RUFY3: variants seen among roughly 807,000 people sequenced by gnomAD.
RUFY3 encodes the protein RUN and FYVE domain containing 3.
Under a neutral mutation model 84.0 loss-of-function variants are expected in RUFY3, and 34 were observed. The ratio of observed to expected loss-of-function variants is 0.40; its 90% confidence interval spans 0.31 to 0.54. RUFY3 has a LOEUF of 0.54. Ranked by LOEUF, RUFY3 falls within the 20% of genes least tolerant of loss-of-function variation. The probability of loss-of-function intolerance (pLI) is 0.39; values close to 1 mark genes in which losing one functional copy is unlikely to be tolerated. For synonymous variants in RUFY3, 242 were observed against 252.9 expected (o/e 0.96, Z 0.41); for missense variants, 507 against 736.8 (o/e 0.69, Z 3.61).
intron 10 of RUFY3, among the ~76,000 whole-genome samples, chr4:70,787,650 T>C (rs1730122762): frequency 6.6e-6 from 1 of 152,128 alleles, no homozygotes. Context: ...GTGAATGAGA[T>C]CTCAAAATAT....
chr4:70,738,629 T>A (rs1578023720), intron 1 of RUFY3, among the ~76,000 whole-genome samples: 1 of 152,144 alleles, frequency 6.6e-6, no homozygotes, highest in Non-Finnish European at 1.5e-5. Flanking sequence ...CCCAAAGTGC[T>A]GGGATTACAG....
At chr4:70,750,175 C>T (rs1174345800) in intron 1 of RUFY3, among the ~76,000 whole-genome samples, 1 of 152,082 alleles carries the variant, frequency 6.6e-6, no homozygotes, top group African/African-American at 2.4e-5. Context: ...CCAAGTCCAG[C>T]TTAATTACAC....
intron 1 of RUFY3, among the ~76,000 whole-genome samples, chr4:70,710,749 A>T (rs1351146120): frequency 1.3e-5 from 2 of 151,674 alleles, no homozygotes; most frequent in South Asian, 4.2e-4. Flanking sequence ...ATTTATTAAA[A>T]TTTTTAATTT....
At chr4:70,791,561 C>A in intron 12 of RUFY3, 1 of 1,270,160 alleles carries the variant, frequency 7.9e-7, no homozygotes, top group Non-Finnish European at 9.9e-7. Context: ...CTGAGTTGAC[C>A]AATAAATAAA....
In RUFY3 at chr4:70,802,951, T is replaced by C. The variant is rs761911231; in HGVS notation, c.1623-5T>C. 6 of 1,602,014 alleles carry C rather than the reference T, an allele frequency of 3.7e-6. No individual in the cohort carries two copies. Among genetic ancestry groups the C allele is most frequent in the Admixed American group, 1.7e-5 (1 of 58,118 alleles). On this transcript the variant is annotated splice_polypyrimidine_tract_variant and splice_region_variant and intron_variant, in intron 15 of 17. Coordinates refer to ENST00000381006, the MANE Select transcript of RUFY3 (RefSeq NM_001037442.4). The stretch of plus-strand genomic sequence containing the variant: ...TTGTCACAATTTTTTACTTCTCCAT[T>C]GTAGGCTGCAACCCCACCCTATGGA...
At chr4:70,787,188 ATAT>A (rs377668009) in intron 10 of RUFY3, among the ~76,000 whole-genome samples, 1,806 of 61,332 alleles carry the variant, frequency 0.029, 52 homozygotes, top group African/African-American at 0.079. Context: ...AAAAAAAAAA[ATAT>A]ATATATATAT....
intron 4 of RUFY3, among the ~76,000 whole-genome samples, chr4:70,767,213 G>A (rs181172731): frequency 3.4e-4 from 51 of 148,808 alleles, no homozygotes; most frequent in African/African-American, 1.2e-3. Flanking sequence ...AGCCTCCTGA[G>A]TAGCTGGGAT....
intron 10 of RUFY3, among the ~76,000 whole-genome samples, chr4:70,785,182 C>G (rs112924919): frequency 6.6e-6 from 1 of 152,060 alleles, no homozygotes; most frequent in Non-Finnish European, 1.5e-5. Flanking sequence ...CTACCTAAGT[C>G]CTCATCCCTG....
intron 1 of RUFY3, among the ~76,000 whole-genome samples, chr4:70,730,192 G>GGATTAC (rs1202960142): frequency 6.6e-6 from 1 of 151,554 alleles, no homozygotes; most frequent in African/African-American, 2.4e-5. Context: ...CAAAGTGCTG[G>GGATTAC]GATTACAAGC....
chr4:70,749,204 C>T (rs563423005), intron 1 of RUFY3, among the ~76,000 whole-genome samples: 13 of 152,128 alleles, frequency 8.5e-5, no homozygotes, highest in Admixed American at 5.2e-4. Flanking sequence ...ATCAAAACAA[C>T]GAAGGTTTGT....
At chr4:70,705,344 C>T (rs1025301306) in intron 1 of RUFY3, 17 of 1,256,198 alleles carry the variant, frequency 1.4e-5, no homozygotes, top group South Asian at 2.2e-5. Context: ...GAGCATTCGG[C>T]TGGGGAGGGC....
chr4:70,728,978 C>T (rs1718761349), intron 1 of RUFY3, among the ~76,000 whole-genome samples: 2 of 151,340 alleles, frequency 1.3e-5, no homozygotes, highest in South Asian at 4.2e-4. Context: ...TGCTGGATAC[C>T]TAATGAGTCT....
intron 7 of RUFY3, 50 bp from the exon 8 acceptor site, chr4:70,778,319 A>G: frequency 1.1e-6 from 1 of 895,772 alleles, no homozygotes; most frequent in South Asian, 1.4e-5. Context: ...GAAGGTACAG[A>G]GTATTGTCTG....
At chr4:70,719,014 C>T (rs145358394), upstream of RUFY3, among the ~76,000 whole-genome samples, 625 of 152,304 alleles carry the variant, frequency 4.1e-3, 5 homozygotes, top group African/African-American at 0.014. Flanking sequence ...CGTGCCCGGC[C>T]GTAGAATTGT....
At chr4:70,757,003 A>G (rs980896692) in intron 1 of RUFY3, among the ~76,000 whole-genome samples, 34 of 152,060 alleles carry the variant, frequency 2.2e-4, no homozygotes, top group African/African-American at 8.0e-4. Flanking sequence ...GGGCATGGCG[A>G]CCCATGCCTG....
At position 70,705,257 on chromosome 4, in the gene RUFY3, G is replaced by GAGC. The variant is rs536209283; in HGVS notation, c.322_324dup (p.Ser108dup). 340 of 1,445,108 alleles carry GAGC rather than the reference G, an allele frequency of 2.4e-4. No individual in the cohort carries two copies. In the African/African-American group the frequency reaches 4.7e-3, roughly 20 times the overall value. The allele number at this position is 1,445,108 out of a possible 1,614,324, so 89.5% of individuals were successfully genotyped here. On this transcript the variant is annotated inframe_insertion, in exon 1 of 12. Coordinates refer to the RUFY3 transcript ENST00000417478. ...TGCCCTTCCTGCTGCTGAGCTACCC[G>GAGC]AGCGGCGGCGGCGGCAGCAGCGGCA...
intron 8 of RUFY3, among the ~76,000 whole-genome samples, chr4:70,778,833 G>A (rs1004561232): frequency 3.3e-5 from 5 of 152,120 alleles, no homozygotes; most frequent in Admixed American, 3.3e-4. Flanking sequence ...ACCCGCCTCA[G>A]CCTCCCAAAG....
At chr4:70,774,614 C>CAAAAAAAAA (rs1172638290) in intron 6 of RUFY3, among the ~76,000 whole-genome samples, 5 of 22,092 alleles carry the variant, frequency 2.3e-4, no homozygotes, top group East Asian at 2.2e-3. Flanking sequence ...GACTCTGCCT[C>CAAAAAAAAA]AAAAAAAAAA....
At chr4:70,703,974 TTG>T (rs1739970832), upstream of RUFY3, 1 of 152,174 alleles carries the variant, frequency 6.6e-6, no homozygotes, top group South Asian at 2.1e-4. Context: ...TAACTGGAAA[TTG>T]TCTTTATTGC....
Sources: gnomAD v4.1 joint callset for allele counts (sites outside exome capture counted in the v4.1 genomes callset) on GRCh38, gnomAD v4.1.1 for gene constraint, MANE v1.5 for transcripts, NCBI Gene and HGNC (gene_info 2026-07-23, HGNC 2026-07-21) for gene names.